The following SLC45A1 variants were observed in gnomAD, a reference collection of about 807,000 sequenced individuals.
SLC45A1 encodes the protein proton-associated sugar transporter A.
In SLC45A1, 28 loss-of-function variants were observed where a neutral mutation model predicts 57.6. The ratio of observed to expected loss-of-function variants is 0.49; its 90% confidence interval spans 0.36 to 0.67. The LOEUF (loss-of-function observed/expected upper bound fraction) is 0.67, where lower values mean the gene tolerates loss of function less well. SLC45A1 is among the 30% of genes least tolerant of loss of function. SLC45A1 has a pLI of 0.00. For missense variants in SLC45A1, 814 were observed against 1,041.5 expected (o/e 0.78, Z 3.01); for synonymous variants, 459 against 471.5 (o/e 0.97, Z 0.34).
rs764927970 is a variant in SLC45A1, at chr1:8,330,676, G to A, written c.1183G>A (p.Val395Ile). 1.5e-5 allele frequency: 25 copies of A among 1,613,256 alleles called. No homozygotes were observed. In the Middle Eastern group the frequency reaches 4.9e-4, roughly 32 times the overall value. ...HDSYLAIPGS[V>I]PRPPISVSFP... is the part of the protein sequence containing the mutation. ...CAGCTACCTGGCCATCCCTGGCAGC[G>A]TCCCCAGGCCGCCCATCAGCGTCAG... Residue 395 changes from valine (V) to isoleucine (I), a missense_variant, in exon 5 of 9, where the codon GTC becomes ATC. Physicochemically the swap from Val to Ile is conservative, Grantham distance 29 (BLOSUM62 3). Coordinates refer to ENST00000471889, the MANE Select transcript of SLC45A1 (RefSeq NM_001080397.3). The surrounding 1 kb of genome is among the most constrained non-coding windows in gnomAD (Gnocchi z 8.4).
Position 8,343,993 on chromosome 1 carries a change from C to T in SLC45A1, c.2227C>T (p.Pro743Ser), listed in dbSNP as rs755621853. ...CGACGCTGCAGACGAGGAGCACCGGCCCCTCCTGCTGAACGTCTGACATCG... is the reference window on the plus strand; with the variant it reads ...CGACGCTGCAGACGAGGAGCACCGGTCCCTCCTGCTGAACGTCTGACATCG... ...PSDAADEEHR[P>S]LLLNV Residue 743 changes from proline to serine, a missense_variant, in exon 9 of 9, where the codon CCC (proline) becomes TCC (serine). Coordinates refer to ENST00000471889, the MANE Select transcript of SLC45A1 (RefSeq NM_001080397.3). The surrounding 1 kb of genome is among the most constrained non-coding windows in gnomAD (Gnocchi z 7.7). The T allele has an allele frequency of 6.2e-7, 1 of 1,610,470 alleles. No homozygotes were observed. Among genetic ancestry groups the T allele is most frequent in the Non-Finnish European group, 8.5e-7 (1 of 1,177,674 alleles).
chr1:8,334,880 C>T (rs927032333), intron 5 of SLC45A1, among the ~76,000 whole-genome samples: 11 of 152,154 alleles, frequency 7.2e-5, no homozygotes, highest in African/African-American at 1.7e-4. Flanking sequence ...CTAAGCCCCT[C>T]GCACCCGTTT....
chr1:8,319,023 G>A (rs1639909921), intron 1 of SLC45A1, among the ~76,000 whole-genome samples: 2 of 152,264 alleles, frequency 1.3e-5, no homozygotes, highest in South Asian at 2.1e-4. Context: ...GCTCATGCCT[G>A]TAATCCCAGC....
rs771907793 is a variant in SLC45A1 at position 8,337,808 on chromosome 1, T to A, written c.1598-8T>A. On this transcript the variant is annotated splice_polypyrimidine_tract_variant and splice_region_variant and intron_variant, in intron 6 of 8. Transcript: ENST00000471889. The stretch of plus-strand genomic sequence containing the variant: ...CCCCGAGGTCATGAACCTCTTTCTT[T>A]CTTCCAGGGTGGCTCTCATTCGAGG... The A allele has an allele frequency of 6.2e-7, 1 of 1,611,006 alleles. No individual in the cohort carries two copies. The highest frequency in any genetic ancestry group is 1.3e-5 in the African/African-American group (1 of 74,844).
intron 1 of SLC45A1, among the ~76,000 whole-genome samples, chr1:8,320,952 C>A (rs1639994470): frequency 6.6e-6 from 1 of 152,046 alleles, no homozygotes; most frequent in Non-Finnish European, 1.5e-5. Flanking sequence ...GGGGCTGTGA[C>A]CTTTGGGCGG....
At chr1:8,323,182 A>G (rs1640084411) in intron 1 of SLC45A1, among the ~76,000 whole-genome samples, 1 of 152,108 alleles carries the variant, frequency 6.6e-6, no homozygotes, top group African/African-American at 2.4e-5. Context: ...GGTCATGGGC[A>G]TTGTGAAAAT....
In SLC45A1 at chr1:8,337,825, C is replaced by T; in HGVS notation, c.1607C>T (p.Ser536Leu). ...TCTTTCTTTCTTCCAGGGTGGCTCTCATTCGAGGGGATGTTGCTCTTCTAC... is the reference window on the plus strand; with the variant it reads ...TCTTTCTTTCTTCCAGGGTGGCTCTTATTCGAGGGGATGTTGCTCTTCTAC... ...LCVNHFLGWLSFEGMLLFYTD... is the reference protein window; with the variant it reads ...LCVNHFLGWLLFEGMLLFYTD... Residue 536 changes from serine (S) to leucine (L), a missense_variant, in exon 7 of 9, where the codon TCA (serine) becomes TTA (leucine). Physicochemically the swap from Ser to Leu is moderately radical, Grantham distance 145. Transcript: ENST00000471889. 1 of 1,613,572 alleles carries T rather than the reference C, an allele frequency of 6.2e-7. No individual in the cohort carries two copies. Among genetic ancestry groups the T allele is most frequent in the Non-Finnish European group, 8.5e-7 (1 of 1,179,818 alleles).
At chr1:8,340,495 A>G (rs113405007) in intron 8 of SLC45A1, among the ~76,000 whole-genome samples, 2 of 152,226 alleles carry the variant, frequency 1.3e-5, no homozygotes, top group African/African-American at 4.8e-5. Flanking sequence ...TCAGTTCACC[A>G]TGTACTAGGG....
At position 8,335,571 on chromosome 1, in the gene SLC45A1, C is replaced by T. The variant is rs200686090; in HGVS notation, c.1578C>T (p.Leu526=). Residue 526 remains leucine, a synonymous_variant, in exon 6 of 9, where the codon CTC becomes CTT. Transcript: ENST00000471889. The surrounding 1 kb of genome is among the most constrained non-coding windows in gnomAD (Gnocchi z 4.1). ...ICNMPKALRT[L]CVNHFLGWLS... The stretch of plus-strand genomic sequence containing the variant: ...ACATGCCCAAGGCGCTACGCACCCT[C>T]TGCGTCAACCACTTCCTGGGTGAGC... The T allele has an allele frequency of 1.6e-5, 25 of 1,604,384 alleles. No homozygotes were observed. Among genetic ancestry groups the T allele is most frequent in the Admixed American group, 3.4e-5 (2 of 59,612 alleles).
chr1:8,330,414 C>G lies in SLC45A1; in HGVS notation c.921C>G (p.Ser307Arg), dbSNP rs759698401. Reference protein sequence around the residue: ...SEKRAAMKSPSLPLPPSPPVL... With the variant: ...SEKRAAMKSPRLPLPPSPPVL... ...AGCGGGCAGCCATGAAGAGCCCCAG[C>G]CTCCCGCTGCCCCCGTCCCCACCCG... Residue 307 changes from serine to arginine, a missense_variant, in exon 5 of 9, where the codon AGC (serine) becomes AGG (arginine). By Grantham distance (110) the Ser-to-Arg change is moderately radical (BLOSUM62 -1). Coordinates refer to ENST00000471889, the MANE Select transcript of SLC45A1 (RefSeq NM_001080397.3). This position sits in a 1 kb window ranked among gnomAD's most constrained non-coding sequence, Gnocchi z 8.4. 1.2e-6 allele frequency: 2 copies of G among 1,611,564 alleles called. No homozygotes were observed. The highest frequency in any genetic ancestry group is 2.2e-5 in the East Asian group (1 of 44,844).
Position 8,330,799 on chromosome 1 carries a change from AG to A in SLC45A1, c.1309del (p.Val437TrpfsTer15). The A allele has an allele frequency of 6.2e-7, 1 of 1,613,460 alleles. No individual in the cohort carries two copies. The highest frequency in any genetic ancestry group is 8.5e-7 in the Non-Finnish European group (1 of 1,180,034). ...LTSGCDGDIL[R>X]VGSLDTSKPR... is the part of the protein sequence containing the mutation. ...CTCCGGCTGTGACGGGGACATTCTG[AG>A]GGTGGGCTCCTTGGACACCTCTAAG... On this transcript the variant is annotated frameshift_variant, in exon 5 of 9. Coordinates refer to ENST00000471889, the MANE Select transcript of SLC45A1 (RefSeq NM_001080397.3). LOFTEE classifies it high-confidence loss of function. This position sits in a 1 kb window ranked among gnomAD's most constrained non-coding sequence, Gnocchi z 8.4.
chr1:8,337,479 C>T (rs934671957), intron 6 of SLC45A1, among the ~76,000 whole-genome samples: 8 of 152,136 alleles, frequency 5.3e-5, no homozygotes, highest in African/African-American at 1.7e-4. Flanking sequence ...AGGGCAGTGG[C>T]GCGATCTCAG....
At position 8,325,277 on chromosome 1, in the gene SLC45A1, C is replaced by T. The variant is rs202086457; in HGVS notation, c.398-21C>T. 1.3e-5 allele frequency: 21 copies of T among 1,579,154 alleles called. No homozygotes were observed. Among genetic ancestry groups the T allele is most frequent in the East Asian group, 2.2e-5 (1 of 44,704 alleles). On this transcript the variant is annotated intron_variant, in intron 2 of 8. Transcript: ENST00000471889. The surrounding 1 kb of genome is among the most constrained non-coding windows in gnomAD (Gnocchi z 6.3). The stretch of plus-strand genomic sequence containing the variant: ...GTGCCATGGGGACCCTGGCAATGAC[C>T]GCTGGCCTGCTCTGTTTCAGGATTC...
At chr1:8,340,062 G>A (rs541481311) in intron 8 of SLC45A1, among the ~76,000 whole-genome samples, 4 of 152,282 alleles carry the variant, frequency 2.6e-5, no homozygotes, top group Admixed American at 1.3e-4. Flanking sequence ...AGTGAAGCTC[G>A]GAAAACTCAG....
intron 5 of SLC45A1, among the ~76,000 whole-genome samples, chr1:8,333,284 CTTGTT>C (rs1168609269): frequency 8.1e-6 from 1 of 122,794 alleles, no homozygotes; most frequent in East Asian, 2.2e-4. Context: ...ATTATTTTGT[CTTGTT>C]TTGTTTTTTA....
intron 6 of SLC45A1, among the ~76,000 whole-genome samples, chr1:8,337,151 C>T (rs954244875): frequency 3.9e-5 from 6 of 152,160 alleles, no homozygotes; most frequent in East Asian, 1.9e-4. Context: ...ACAATCATGG[C>T]GGAAGGCAAA....
rs1056974197 is a variant in SLC45A1 at position 8,328,974 on chromosome 1, A to G, written c.716-1235A>G. On this transcript the variant is annotated intron_variant, in intron 4 of 8. Transcript: ENST00000471889. The surrounding 1 kb of genome is among the most constrained non-coding windows in gnomAD (Gnocchi z 4.6). Reference sequence around the variant, plus strand: ...TCATGAGTGTGGGAAGTCAAGAATAATAAAATGCCTGGGAGGGCAGTGGGG... The same window carrying G: ...TCATGAGTGTGGGAAGTCAAGAATAGTAAAATGCCTGGGAGGGCAGTGGGG... 1.3e-5 allele frequency among the ~76,000 whole-genome samples: 2 copies of G among 152,208 alleles called. No homozygotes were observed. Among genetic ancestry groups the G allele is most frequent in the Non-Finnish European group, 2.9e-5 (2 of 68,036 alleles).
chr1:8,341,507 C>A (rs1640815898), intron 8 of SLC45A1, among the ~76,000 whole-genome samples: 1 of 148,832 alleles, frequency 6.7e-6, no homozygotes, highest in African/African-American at 2.5e-5. Flanking sequence ...TGCACTCCAG[C>A]CTGGGCGACA....
Position 8,330,440 on chromosome 1 carries a change from T to G in SLC45A1, c.947T>G (p.Val316Gly). Reference sequence around the variant, plus strand: ...CTCCCGCTGCCCCCGTCCCCACCCGTCCTGCCAGAGGAAGGCCCTGGCGAC... The same window carrying G: ...CTCCCGCTGCCCCCGTCCCCACCCGGCCTGCCAGAGGAAGGCCCTGGCGAC... ...PSLPLPPSPP[V>G]LPEEGPGDSL... The change falls in exon 5 of 9, where the codon GTC becomes GGC. Residue 316 changes from valine to glycine, a missense_variant. Coordinates refer to ENST00000471889, the MANE Select transcript of SLC45A1 (RefSeq NM_001080397.3). This position sits in a 1 kb window ranked among gnomAD's most constrained non-coding sequence, Gnocchi z 8.4. The G allele has an allele frequency of 6.2e-7, 1 of 1,611,544 alleles. No individual in the cohort carries two copies. Among genetic ancestry groups the G allele is most frequent in the Non-Finnish European group, 8.5e-7 (1 of 1,179,248 alleles).
Sources: gnomAD v4.1 joint callset for allele counts (sites outside exome capture counted in the v4.1 genomes callset) on GRCh38, gnomAD v4.1.1 for gene constraint, Gnocchi (gnomAD v3.1) non-coding constraint, MANE v1.5 for transcripts, NCBI Gene and HGNC (gene_info 2026-07-23, HGNC 2026-07-21) for gene names.